Variants in SYCP3 observed in about 807,000 individuals in gnomAD.
SYCP3 encodes the protein synaptonemal complex protein 3.
Under a neutral mutation model 38.5 loss-of-function variants are expected in SYCP3, and 29 were observed. The ratio of observed to expected loss-of-function variants is 0.75; its 90% confidence interval spans 0.56 to 1.03. The LOEUF (loss-of-function observed/expected upper bound fraction) is 1.03, where lower values mean the gene tolerates loss of function less well. Among genes scored for constraint, SYCP3 ranks in the 50% least tolerant of loss-of-function variants. The pLI, the probability that SYCP3 is intolerant of heterozygous loss-of-function variation, is 0.00. For synonymous variants in SYCP3, 79 were observed against 80.3 expected, an observed-to-expected ratio of 0.98 and a Z score of 0.08; for missense variants, 242 against 270.7, an observed-to-expected ratio of 0.89 and a Z score of 0.74.
chr12:101,733,744 G>A, intron 5 of SYCP3, 70 bp from the exon 6 acceptor site: 1 of 1,396,866 alleles, frequency 7.2e-7, no homozygotes, highest in African/African-American at 1.4e-5. Context: ...ACAAAACTGA[G>A]TTGACACAGT....
rs545557406 is a variant in SYCP3 at position 101,737,771 on chromosome 12, G to A, written c.133+32C>T. 7 of 1,613,658 alleles carry A rather than the reference G, an allele frequency of 4.3e-6. No homozygotes were observed. The African/African-American group carries it at 6.7e-5, about 15-fold the overall frequency. ...TGGGTTCAAAACAAATGAACTGAAG[G>A]ACATCACTGCCCAACATGAGATGTA... On this transcript the variant is annotated intron_variant, in intron 2 of 8. Coordinates refer to ENST00000392924, the MANE Select transcript of SYCP3 (RefSeq NM_001177949.2).
intron 1 of SYCP3, 162 bp downstream of exon 1, chr12:101,739,189 C>G: frequency 8.9e-5 from 28 of 313,908 alleles, no homozygotes; most frequent in Non-Finnish European, 1.1e-4. Flanking sequence ...CGCCCGCTTT[C>G]CACTAGGCCC....
Position 101,729,183 on chromosome 12 carries a change from T to C in SYCP3, c.583A>G (p.Asn195Asp). 1.2e-6 allele frequency: 2 copies of C among 1,613,146 alleles called. No individual in the cohort carries two copies. The highest frequency in any genetic ancestry group is 2.2e-5 in the South Asian group (2 of 90,876). Residue 195 changes from asparagine (N) to aspartate (D), a missense_variant, in exon 8 of 9, where the codon AAT (asparagine) becomes GAT (aspartate). Coordinates refer to ENST00000392924, the MANE Select transcript of SYCP3 (RefSeq NM_001177949.2). Reference sequence around the variant, plus strand: ...TCATTTTGTGCACCAGTAAGTAGATTATCATGATTCTTCTCCAACTCTTCC... The same window carrying C: ...TCATTTTGTGCACCAGTAAGTAGATCATCATGATTCTTCTCCAACTCTTCC... ...SMEELEKNHD[N>D]LLTGAQNEFK...
chr12:101,735,459 G>A (rs994060111), intron 4 of SYCP3, among the ~76,000 whole-genome samples: 2 of 152,016 alleles, frequency 1.3e-5, no homozygotes, highest in Non-Finnish European at 2.9e-5. Flanking sequence ...TCAAAAGATC[G>A]AGACCATCCT....
Position 101,735,008 on chromosome 12 carries a change from CTCTT to C in SYCP3, c.268_271del (p.Lys90AspfsTer2). 3 of 1,613,186 alleles carry C rather than the reference CTCTT, an allele frequency of 1.9e-6. No homozygotes were observed. Among genetic ancestry groups the C allele is most frequent in the Non-Finnish European group, 2.5e-6 (3 of 1,179,448 alleles). ...AGAAGCCTTGGTATACATTTCTAGT[CTCTT>C]TCTCTTGGCAAGAAGAGCCTTGTTA... On this transcript the variant is annotated frameshift_variant, in exon 5 of 9. Coordinates refer to ENST00000392924, the MANE Select transcript of SYCP3 (RefSeq NM_001177949.2). LOFTEE classifies it high-confidence loss of function.
chr12:101,736,990 T>C, intron 4 of SYCP3, 47 bp downstream of exon 4: 3 of 1,578,812 alleles, frequency 1.9e-6, no homozygotes, highest in African/African-American at 1.4e-5. Flanking sequence ...ACAAATTATA[T>C]GGCTTAAAAC....
chr12:101,738,406 GT>G (rs1952550775), intron 1 of SYCP3, among the ~76,000 whole-genome samples: 1 of 150,902 alleles, frequency 6.6e-6, no homozygotes, highest in African/African-American at 2.4e-5. Context: ...TCCAGCCTGG[GT>G]GACAAGAGTG....
intron 1 of SYCP3, 73 bp from the exon 2 acceptor site, chr12:101,738,025 A>G (rs1952528948): frequency 6.6e-7 from 1 of 1,522,410 alleles, no homozygotes; most frequent in Non-Finnish European, 9.0e-7. Flanking sequence ...AAGTTTAAAT[A>G]TCAAAGGAGA....
intron 5 of SYCP3, among the ~76,000 whole-genome samples, chr12:101,734,365 G>A (rs1242171625): frequency 6.6e-6 from 1 of 152,112 alleles, no homozygotes; most frequent in Non-Finnish European, 1.5e-5. Context: ...TTCAAGACCA[G>A]CCTGGGCAAC....
At position 101,734,986 on chromosome 12, in the gene SYCP3, A is replaced by G; in HGVS notation, c.294T>C (p.Ala98=). Residue 98 remains alanine, a synonymous_variant, in exon 5 of 9, where the codon GCT becomes GCC. Transcript: ENST00000392924. ...TTTTCTGGTTACTAGTTTTGAGAGA[A>G]GCCTTGGTATACATTTCTAGTCTCT... ...KRKRLEMYTK[A]SLKTSNQKIE... 1 of 1,613,852 alleles carries G rather than the reference A, an allele frequency of 6.2e-7. No individual in the cohort carries two copies. The highest frequency in any genetic ancestry group is 1.7e-5 in the Admixed American group (1 of 60,012).
chr12:101,729,050 T>C lies in SYCP3; in HGVS notation c.657+59A>G. 1.2e-6 allele frequency: 2 copies of C among 1,607,438 alleles called. 1 individual carries two copies. The highest frequency in any genetic ancestry group is 2.2e-5 in the South Asian group (2 of 90,700). ...TAAGTGTTATACCTATTTCAGCAAATAAAATATTTCATTGCTTATATTAAT... is the reference window on the plus strand; with the variant it reads ...TAAGTGTTATACCTATTTCAGCAAACAAAATATTTCATTGCTTATATTAAT... On this transcript the variant is annotated intron_variant, in intron 8 of 8. Coordinates refer to ENST00000392924, the MANE Select transcript of SYCP3 (RefSeq NM_001177949.2).
At chr12:101,737,522 G>A (rs1952500374) in intron 2 of SYCP3, 2 of 647,312 alleles carry the variant, frequency 3.1e-6, no homozygotes, top group South Asian at 4.0e-5. Flanking sequence ...CTGGGTTAAT[G>A]TCACAGTAAG....
chr12:101,728,931 A>C lies in SYCP3; in HGVS notation c.707T>G (p.Phe236Cys). 6.2e-7 allele frequency: 1 copy of C among 1,613,566 alleles called. No individual in the cohort carries two copies. Among genetic ancestry groups the C allele is most frequent in the Non-Finnish European group, 8.5e-7 (1 of 1,179,698 alleles). The change falls in exon 9 of 9, where the codon TTC becomes TGC. Residue 236 changes from phenylalanine (F) to cysteine (C), a missense_variant. Coordinates refer to ENST00000392924, the MANE Select transcript of SYCP3 (RefSeq NM_001177949.2). ...SVRKSLQSML[F>C] Reference sequence around the variant, plus strand: ...AGTTCTTTCTTCAAAGAGTCATCAGAATAACATGGATTGAAGAGACTTCCG... The same window carrying C: ...AGTTCTTTCTTCAAAGAGTCATCAGCATAACATGGATTGAAGAGACTTCCG...
chr12:101,736,337 T>C lies in SYCP3; in HGVS notation c.235+700A>G, dbSNP rs560644198. On this transcript the variant is annotated intron_variant, in intron 4 of 8. Transcript: ENST00000392924. ...TATTTTATACTTTCAGTATTATCTA[T>C]AATAAATTTATAAAACAAGCACTGT... Among the ~76,000 whole-genome samples the C allele has an allele frequency of 2.6e-5, 4 of 152,242 alleles. No individual in the cohort carries two copies. The South Asian group carries it at 8.3e-4, about 32-fold the overall frequency.
At chr12:101,734,743 T>A (rs1952333355) in intron 5 of SYCP3, among the ~76,000 whole-genome samples, 184 bp downstream of exon 5, 1 of 152,178 alleles carries the variant, frequency 6.6e-6, no homozygotes, top group Non-Finnish European at 1.5e-5. Flanking sequence ...AGATGGAGTT[T>A]CACCATGTTG....
At chr12:101,739,145 G>A in intron 1 of SYCP3, 1 of 700,380 alleles carries the variant, frequency 1.4e-6, no homozygotes. Flanking sequence ...AGTGGTCCCA[G>A]GGTGTAGCGA....
In SYCP3 at chr12:101,733,597, T is replaced by G. The variant is rs765449272; in HGVS notation, c.431A>C (p.Glu144Ala). ...AACAAGTATTTTTTCTTCTTGTTCC[T>G]CAGCTTTCTGCATATCTAAATCCCA... is the stretch of plus-strand genomic sequence containing the variant. ...QQWDLDMQKA[E>A]EQEEKILNMF... is the part of the protein sequence containing the mutation. Residue 144 changes from glutamate (E) to alanine (A), a missense_variant, in exon 6 of 9, where the codon GAG becomes GCG. Transcript: ENST00000392924. The G allele has an allele frequency of 1.9e-6, 3 of 1,612,542 alleles. No homozygotes were observed. The highest frequency in any genetic ancestry group is 2.7e-5 in the African/African-American group (2 of 74,928).
At chr12:101,732,230 T>C (rs142723408) in intron 6 of SYCP3, 3 of 153,230 alleles carry the variant, frequency 2.0e-5, no homozygotes, top group Admixed American at 6.5e-5. Context: ...CTAACCATTA[T>C]ACATACTGTT....
chr12:101,733,160 A>G (rs1280256677), intron 6 of SYCP3: 1 of 167,950 alleles, frequency 6.0e-6, no homozygotes, highest in African/African-American at 2.4e-5. Context: ...TGGGGTTACT[A>G]AACTTGTAAT....
Sources: allele counts gnomAD v4.1 joint callset (sites outside exome capture counted in the v4.1 genomes callset), GRCh38; gene constraint gnomAD v4.1.1; transcripts MANE v1.5; gene names NCBI Gene and HGNC (gene_info 2026-07-23, HGNC 2026-07-21).